The following SLC7A7 variants were observed in gnomAD, a reference collection of about 807,000 sequenced individuals.
SLC7A7 encodes the protein solute carrier family 7 member 7.
In SLC7A7, 39 loss-of-function variants were observed where a neutral mutation model predicts 47.9. The ratio of observed to expected loss-of-function variants is 0.81; its 90% CI spans 0.63 to 1.06. The LOEUF (loss-of-function observed/expected upper bound fraction) is 1.06, where lower values mean the gene tolerates loss of function less well. SLC7A7 is among the 50% of genes least tolerant of loss of function. The pLI, the probability that SLC7A7 is intolerant of heterozygous loss-of-function variation, is 0.00. For missense variants in SLC7A7, 588 were observed against 632.0 expected (o/e 0.93, Z 0.75); for synonymous variants, 234 against 242.8 (o/e 0.96, Z 0.34).
intron 2 of SLC7A7, among the ~76,000 whole-genome samples, chr14:22,792,739 C>T (rs1201167055): frequency 6.6e-6 from 1 of 150,642 alleles, no homozygotes; most frequent in African/African-American, 2.4e-5. Flanking sequence ...CGCCTGTAAT[C>T]CTAGCTACCT....
At chr14:22,786,182 G>C (rs2038813423) in intron 2 of SLC7A7, among the ~76,000 whole-genome samples, 1 of 151,884 alleles carries the variant, frequency 6.6e-6, no homozygotes, top group Admixed American at 6.6e-5. Context: ...GCCAGGCATG[G>C]TGGCACAAGC....
chr14:22,803,382 C>T (rs1369775162), intron 2 of SLC7A7, among the ~76,000 whole-genome samples: 18 of 152,202 alleles, frequency 1.2e-4, no homozygotes, highest in African/African-American at 4.3e-4. Context: ...CGTGCCATTG[C>T]ACTCCAGCCT....
chr14:22,777,013 C>T (rs2038622979), intron 4 of SLC7A7, among the ~76,000 whole-genome samples: 1 of 150,572 alleles, frequency 6.6e-6, no homozygotes, highest in South Asian at 2.1e-4. Context: ...CGTGGTGGTG[C>T]ATGCCTGTAA....
intron 2 of SLC7A7, among the ~76,000 whole-genome samples, chr14:22,786,599 A>G (rs1169257906): frequency 6.6e-6 from 1 of 152,122 alleles, no homozygotes; most frequent in Non-Finnish European, 1.5e-5. Context: ...TCCCACCTCA[A>G]AGTGATGAGA....
intron 2 of SLC7A7, among the ~76,000 whole-genome samples, chr14:22,806,073 C>T (rs1256245608): frequency 1.5e-5 from 2 of 130,638 alleles, no homozygotes; most frequent in Admixed American, 8.3e-5. Context: ...GCTGGGATCT[C>T]GGCTCACTGC....
chr14:22,799,981 G>T (rs913680211), intron 2 of SLC7A7, among the ~76,000 whole-genome samples: 9 of 152,078 alleles, frequency 5.9e-5, no homozygotes, highest in Admixed American at 5.2e-4. Context: ...ACCCATTTAT[G>T]CAAGCCAAAG....
chr14:22,818,605 T>C (rs867105701), upstream of SLC7A7, among the ~76,000 whole-genome samples: 1 of 131,626 alleles, frequency 7.6e-6, no homozygotes, highest in Non-Finnish European at 1.6e-5. Flanking sequence ...TTTTGGTTTT[T>C]GGGTTTTTTT....
At chr14:22,800,583 G>T (rs1033068282) in intron 2 of SLC7A7, among the ~76,000 whole-genome samples, 1 of 152,172 alleles carries the variant, frequency 6.6e-6, no homozygotes, top group Non-Finnish European at 1.5e-5. Context: ...GAGTCACCAC[G>T]CTGTGAGAAA....
upstream of SLC7A7, among the ~76,000 whole-genome samples, chr14:22,817,030 A>G (rs929005554): frequency 4.0e-5 from 6 of 151,732 alleles, no homozygotes; most frequent in Admixed American, 6.6e-5. Flanking sequence ...ACATTATCTC[A>G]TGGAACCTCC....
Position 22,800,013 on chromosome 14 carries a change from C to G in SLC7A7, c.499+12887G>C, listed in dbSNP as rs564146155. On this transcript the variant is annotated intron_variant, in intron 2 of 9. Transcript: ENST00000674313. ...AAAGACCTGGGCATGTTATTGTCAT[C>G]AACAACTTCCACTCATATCTACTCA... Among the ~76,000 whole-genome samples the G allele has an allele frequency of 4.6e-5, 7 of 152,270 alleles. No individual in the cohort carries two copies. The South Asian group carries it at 1.5e-3, about 32-fold the overall frequency.
upstream of SLC7A7, among the ~76,000 whole-genome samples, chr14:22,819,051 G>C (rs1034089563): frequency 2.0e-5 from 3 of 152,162 alleles, no homozygotes; most frequent in Non-Finnish European, 2.9e-5. Flanking sequence ...ACTGGCAGCA[G>C]GGCCTCCAGT....
chr14:22,790,203 C>A (rs1274242185), intron 2 of SLC7A7, among the ~76,000 whole-genome samples: 1 of 151,904 alleles, frequency 6.6e-6, no homozygotes, highest in Non-Finnish European at 1.5e-5. Context: ...GTGGCGTGCA[C>A]CTGTAGTCTC....
At chr14:22,778,464 A>G (rs577692586) in intron 4 of SLC7A7, among the ~76,000 whole-genome samples, 8 of 152,360 alleles carry the variant, frequency 5.3e-5, no homozygotes, top group Non-Finnish European at 8.8e-5. Flanking sequence ...ATGTGGGGAT[A>G]AGGGTGGATA....
intron 2 of SLC7A7, among the ~76,000 whole-genome samples, chr14:22,811,763 A>G (rs767664306): frequency 1.3e-5 from 2 of 151,624 alleles, no homozygotes; most frequent in Non-Finnish European, 2.9e-5. Context: ...GAGGCAGGAG[A>G]ATCACTTGAA....
At chr14:22,793,953 C>G (rs1437526729) in intron 2 of SLC7A7, among the ~76,000 whole-genome samples, 1 of 152,128 alleles carries the variant, frequency 6.6e-6, no homozygotes, top group Non-Finnish European at 1.5e-5. Flanking sequence ...TGGCCCCCAC[C>G]CAGATCAATA....
At chr14:22,778,655 G>T in intron 4 of SLC7A7, 138 bp downstream of exon 4, 1 of 835,622 alleles carries the variant, frequency 1.2e-6, no homozygotes, top group Non-Finnish European at 1.9e-6. Flanking sequence ...ACTTCTCTGA[G>T]CCTCAGGCCT....
rs1199317716 is a variant in SLC7A7, at chr14:22,775,552, A to G, written c.999-12T>C. 2 of 1,611,846 alleles carry G rather than the reference A, an allele frequency of 1.2e-6. No individual in the cohort carries two copies. The highest frequency in any genetic ancestry group is 2.7e-5 in the African/African-American group (2 of 74,874). On this transcript the variant is annotated splice_polypyrimidine_tract_variant and intron_variant, in intron 6 of 9. Transcript: ENST00000674313. ...CCACAAAGAAAAGCCTATGTTAGGT[A>G]AGATAGGAGAAGCTGAGAAAATTGG... is the stretch of plus-strand genomic sequence containing the variant.
chr14:22,809,769 G>A (rs1168380315), intron 2 of SLC7A7, among the ~76,000 whole-genome samples: 1 of 152,134 alleles, frequency 6.6e-6, no homozygotes, highest in Non-Finnish European at 1.5e-5. Context: ...GTACAGGCAC[G>A]TGAATGTGTA....
In SLC7A7 at chr14:22,813,140, C is replaced by G. The variant is rs1407131153; in HGVS notation, c.259G>C (p.Ala87Pro). The change falls in exon 2 of 10, where the codon GCC becomes CCC. Residue 87 changes from alanine to proline, a missense_variant. By Grantham distance (27) the Ala-to-Pro change is conservative. Coordinates refer to ENST00000674313, the MANE Select transcript of SLC7A7 (RefSeq NM_003982.4). Reference sequence around the variant, plus strand: ...GTGCCCAGTTCCGCATAACAAAGGGCCCCAAAGACGGAGAAGAGGCCCCCG... The same window carrying G: ...GTGCCCAGTTCCGCATAACAAAGGGGCCCAAAGACGGAGAAGAGGCCCCCG... Reference protein sequence around the residue: ...AVGGLFSVFGALCYAELGTTI... With the variant: ...AVGGLFSVFGPLCYAELGTTI... 6.2e-7 allele frequency: 1 copy of G among 1,614,148 alleles called. No homozygotes were observed. The highest frequency in any genetic ancestry group is 8.5e-7 in the Non-Finnish European group (1 of 1,180,034).
Sources: allele counts gnomAD v4.1 joint callset (sites outside exome capture counted in the v4.1 genomes callset), GRCh38; gene constraint gnomAD v4.1.1; transcripts MANE v1.5; gene names NCBI Gene and HGNC (gene_info 2026-07-23, HGNC 2026-07-21).